The following MYOF variants were observed in gnomAD, a reference collection of about 807,000 sequenced individuals.
MYOF encodes myoferlin.
Under a neutral mutation model 284.2 loss-of-function variants are expected in MYOF, and 244 were observed. The observed-to-expected ratio is 0.86, with a 90% CI of 0.77 to 0.95. The LOEUF (loss-of-function observed/expected upper bound fraction) is 0.95. Ranked by LOEUF, MYOF falls within the 40% of genes least tolerant of loss-of-function variation. The pLI is 0.00. For synonymous variants in MYOF, 904 were observed against 919.7 expected, an observed-to-expected ratio of 0.98 and a Z score of 0.31; for missense variants, 2,496 against 2,560.6, an observed-to-expected ratio of 0.97 and a Z score of 0.54.
rs1842474476 is a variant in MYOF, at chr10:93,313,202, C to A, written c.5707G>T (p.Glu1903Ter). The change falls in exon 51 of 54, where the codon GAA becomes TAA. Residue 1903 changes from glutamate (E) to a stop codon, truncating the protein, a stop_gained. Coordinates refer to ENST00000359263, the MANE Select transcript of MYOF (RefSeq NM_013451.4). LOFTEE classifies it high-confidence loss of function. ...ATGATCGTGTGACGCAAGTCAAGTT[C>A]TAGGAAACCTAGCCAAGGAAACAAC... ...FSLDDYLGFL[E>*]LDLRHTIIPA... is the part of the protein sequence containing the mutation. 17 of 1,612,482 alleles carry A rather than the reference C, an allele frequency of 1.1e-5. No homozygotes were observed. The highest frequency in any genetic ancestry group is 1.4e-5 in the Non-Finnish European group (17 of 1,179,264).
chr10:93,467,363 G>A (rs1214781048), intron 1 of MYOF, among the ~76,000 whole-genome samples: 1 of 135,346 alleles, frequency 7.4e-6, no homozygotes, highest in African/African-American at 2.9e-5. Flanking sequence ...TCCCCTTCCT[G>A]TGTCCATGTG....
At chr10:93,404,251 T>A (rs1847441444) in intron 7 of MYOF, 32 bp from the exon 8 acceptor site, 2 of 1,609,490 alleles carry the variant, frequency 1.2e-6, no homozygotes, top group East Asian at 4.5e-5. Context: ...TGTTTAAATG[T>A]TAACAGGGGA....
intron 48 of MYOF, among the ~76,000 whole-genome samples, chr10:93,320,961 G>C (rs548739083): frequency 6.6e-6 from 1 of 152,166 alleles, no homozygotes; most frequent in African/African-American, 2.4e-5. Context: ...TAAGATTAAT[G>C]ATATGTGCGC....
At chr10:93,470,376 A>C (rs1350047576) in intron 1 of MYOF, among the ~76,000 whole-genome samples, 4 of 152,094 alleles carry the variant, frequency 2.6e-5, no homozygotes, top group Non-Finnish European at 5.9e-5. Context: ...AATAATGATA[A>C]TGTCTCCTTT....
chr10:93,459,033 G>A (rs1460037569), intron 1 of MYOF, among the ~76,000 whole-genome samples: 2 of 152,230 alleles, frequency 1.3e-5, no homozygotes, highest in Non-Finnish European at 2.9e-5. Flanking sequence ...GCAACACACA[G>A]CCCAATGGCT....
chr10:93,337,134 T>G (rs112852759), intron 40 of MYOF, among the ~76,000 whole-genome samples: 30 of 103,800 alleles, frequency 2.9e-4, no homozygotes, highest in African/African-American at 2.6e-4. Flanking sequence ...AAGGTGTGGG[T>G]TTTTTTTTTT....
In MYOF at chr10:93,462,006, G is replaced by A. The variant is rs78086041; in HGVS notation, c.89-5069C>T. Among the ~76,000 whole-genome samples the A allele has an allele frequency of 1.2e-4, 19 of 152,212 alleles. No individual in the cohort carries two copies. In the East Asian group the frequency reaches 3.5e-3, roughly 28 times the overall value. ...AGCTATTCAACCAGAACTTCCTGCA[G>A]CTCCTGGCACTCATTGTGTGAGGTT... On this transcript the variant is annotated intron_variant, in intron 1 of 53. Transcript: ENST00000359263.
Position 93,377,443 on chromosome 10 carries a change from A to T in MYOF, c.2002-14T>A. 6.4e-7 allele frequency: 1 copy of T among 1,555,392 alleles called. No homozygotes were observed. On this transcript the variant is annotated splice_polypyrimidine_tract_variant and intron_variant, in intron 21 of 53. Coordinates refer to ENST00000359263, the MANE Select transcript of MYOF (RefSeq NM_013451.4). ...TATATTTGTTTGCTGAAGAATTTGA[A>T]AAGAGAGGAAATAATTGATAATTGT...
chr10:93,399,986 T>C (rs1391057671), intron 12 of MYOF, among the ~76,000 whole-genome samples: 1 of 152,194 alleles, frequency 6.6e-6, no homozygotes, highest in African/African-American at 2.4e-5. Flanking sequence ...ATCAAGCCAG[T>C]ATATGCCAGC....
At chr10:93,419,671 C>T (rs975449986) in intron 5 of MYOF, among the ~76,000 whole-genome samples, 11 of 152,286 alleles carry the variant, frequency 7.2e-5, no homozygotes, top group Admixed American at 5.9e-4. Flanking sequence ...ACAATTTGGT[C>T]AATCTCTCTG....
At chr10:93,467,527 G>T (rs1280768139) in intron 1 of MYOF, among the ~76,000 whole-genome samples, 2 of 152,036 alleles carry the variant, frequency 1.3e-5, no homozygotes, top group Admixed American at 1.3e-4. Flanking sequence ...CTGTTGGTGG[G>T]ACTGTAAACT....
intron 4 of MYOF, among the ~76,000 whole-genome samples, chr10:93,428,112 G>A (rs1025794012): frequency 7.9e-5 from 12 of 151,406 alleles, no homozygotes; most frequent in African/African-American, 2.9e-4. Context: ...CACACACAAG[G>A]TGACCAGATA....
At chr10:93,398,384 T>C (rs1336821505) in intron 13 of MYOF, among the ~76,000 whole-genome samples, 7 of 152,242 alleles carry the variant, frequency 4.6e-5, no homozygotes, top group Non-Finnish European at 1.0e-4. Context: ...GTTTTCTTTG[T>C]AGCACTGGGC....
intron 1 of MYOF, among the ~76,000 whole-genome samples, chr10:93,464,436 G>A (rs2056956840): frequency 1.3e-5 from 2 of 152,074 alleles, no homozygotes; most frequent in African/African-American, 2.4e-5. Flanking sequence ...AGGTGCCCAC[G>A]GAAGTAACAC....
At chr10:93,443,849 G>A (rs1366281612) in intron 3 of MYOF, among the ~76,000 whole-genome samples, 1 of 152,182 alleles carries the variant, frequency 6.6e-6, no homozygotes, top group African/African-American at 2.4e-5. Context: ...ATTTAAGGAT[G>A]AGAATTCTGA....
intron 3 of MYOF, among the ~76,000 whole-genome samples, chr10:93,440,079 TG>T (rs1228612600): frequency 6.6e-6 from 1 of 152,192 alleles, no homozygotes; most frequent in Non-Finnish European, 1.5e-5. Context: ...TCCAATTTAG[TG>T]GAATCTGAAT....
chr10:93,379,345 C>G (rs115420704), intron 21 of MYOF, among the ~76,000 whole-genome samples: 3 of 152,116 alleles, frequency 2.0e-5, no homozygotes, highest in Non-Finnish European at 2.9e-5. Context: ...CCTGTTCCAC[C>G]CCACTCCTAC....
At chr10:93,460,845 C>A (rs1005123394) in intron 1 of MYOF, among the ~76,000 whole-genome samples, 6 of 151,778 alleles carry the variant, frequency 4.0e-5, no homozygotes, top group African/African-American at 1.5e-4. Context: ...CCTGTAATCC[C>A]AGCACTGTGG....
rs33970988 is a variant in MYOF at position 93,394,448 on chromosome 10, C to CTTTTTTTTT, written c.1418-1502_1418-1494dup. ...ATATCTCCTTTGGTCACCATCTTGT[C>CTTTTTTTTT]TTTTTTTTTTTTTTTTTTTTTTTTT... On this transcript the variant is annotated intron_variant, in intron 16 of 53. Transcript: ENST00000359263. Among the ~76,000 whole-genome samples the CTTTTTTTTT allele has an allele frequency of 4.6e-3, 133 of 28,698 alleles. 36 individuals are homozygous for CTTTTTTTTT. Among genetic ancestry groups the CTTTTTTTTT allele is most frequent in the East Asian group, 7.4e-3 (6 of 812 alleles). 18.8% of individuals were successfully genotyped at this position (28,698 alleles called of 152,430 possible).
Sources: allele counts gnomAD v4.1 joint callset (sites outside exome capture counted in the v4.1 genomes callset), GRCh38; gene constraint gnomAD v4.1.1; transcripts MANE v1.5; gene names NCBI Gene and HGNC (gene_info 2026-07-23, HGNC 2026-07-21).